Variants in FOXP1 observed in about 807,000 individuals in gnomAD.
FOXP1 encodes the protein forkhead box protein P1.
Under a neutral mutation model 98.2 loss-of-function variants are expected in FOXP1, and 15 were observed. The observed-to-expected ratio is 0.15, with a 90% confidence interval of 0.10 to 0.24. The LOEUF (loss-of-function observed/expected upper bound fraction) is 0.24, where lower values mean the gene tolerates loss of function less well. FOXP1 is among the 10% of genes least tolerant of loss of function. The pLI, the probability that FOXP1 is intolerant of heterozygous loss-of-function variation, is 1.00. For missense variants in FOXP1, 633 were observed against 848.5 expected (o/e 0.75, Z 3.15); for synonymous variants, 371 against 314.5 (o/e 1.18, Z -1.90).
chr3:71,384,043 C>A (rs1041816943), intron 3 of FOXP1, among the ~76,000 whole-genome samples: 2 of 152,084 alleles, frequency 1.3e-5, no homozygotes, highest in African/African-American at 4.8e-5. Flanking sequence ...GTGGTGTAAC[C>A]CTGCCTCTAC....
intron 5 of FOXP1, among the ~76,000 whole-genome samples, chr3:71,206,411 C>T (rs576673431): frequency 3.9e-4 from 60 of 152,076 alleles, no homozygotes; most frequent in Non-Finnish European, 7.9e-4. Flanking sequence ...TACAAAAACC[C>T]ATTGGAAACA....
At chr3:71,526,773 G>A (rs910665845) in intron 2 of FOXP1, among the ~76,000 whole-genome samples, 2 of 152,092 alleles carry the variant, frequency 1.3e-5, no homozygotes, top group African/African-American at 4.8e-5. Context: ...TTAGAGACCT[G>A]CCTGACCAAC....
chr3:71,437,490 CAT>C (rs1306746682), intron 3 of FOXP1, among the ~76,000 whole-genome samples: 1 of 152,140 alleles, frequency 6.6e-6, no homozygotes, highest in Non-Finnish European at 1.5e-5. Flanking sequence ...AGCCAACAGC[CAT>C]TCTCCACTGG....
intron 2 of FOXP1, among the ~76,000 whole-genome samples, chr3:71,536,708 A>G (rs1163468424): frequency 1.3e-5 from 2 of 152,064 alleles, no homozygotes; most frequent in Non-Finnish European, 2.9e-5. Context: ...GGATCCTAGC[A>G]GAGGCATTAC....
chr3:71,502,870 G>C (rs1301953778), intron 2 of FOXP1, among the ~76,000 whole-genome samples: 1 of 150,748 alleles, frequency 6.6e-6, no homozygotes, highest in East Asian at 1.9e-4. Flanking sequence ...AATACGGGAG[G>C]AAAAATCAAA....
chr3:70,966,070 A>G lies in FOXP1; in HGVS notation c.1723-14T>C. On this transcript the variant is annotated splice_polypyrimidine_tract_variant and intron_variant, in intron 19 of 20. Coordinates refer to ENST00000649528, the MANE Select transcript of FOXP1 (RefSeq NM_001349338.3). The stretch of plus-strand genomic sequence containing the variant: ...AGCCATTGAAGCCTGTCATCAACCA[A>G]GAGAAAATTTATGAAGACACAGGGT... 2 of 1,613,412 alleles carry G rather than the reference A, an allele frequency of 1.2e-6. No homozygotes were observed. Among genetic ancestry groups the G allele is most frequent in the South Asian group, 2.2e-5 (2 of 91,070 alleles).
chr3:71,158,105 A>AAGGAAGGGAGGAAGGAAGGGAGGG (rs1443906018), intron 6 of FOXP1, among the ~76,000 whole-genome samples: 5 of 34,086 alleles, frequency 1.5e-4, no homozygotes, highest in Admixed American at 3.1e-4. Flanking sequence ...GGAAGGAAGG[A>AAGGAAGGGAGGAAGGAAGGGAGGG]AGGGAGGGAG....
intron 4 of FOXP1, among the ~76,000 whole-genome samples, chr3:71,337,600 A>G (rs1485632386): frequency 6.6e-6 from 1 of 152,224 alleles, no homozygotes; most frequent in Non-Finnish European, 1.5e-5. Context: ...CTTTGAAGTA[A>G]TAACAAAGGG....
At chr3:71,166,405 C>T (rs2061403182) in intron 6 of FOXP1, among the ~76,000 whole-genome samples, 1 of 152,188 alleles carries the variant, frequency 6.6e-6, no homozygotes, top group Admixed American at 6.5e-5. Flanking sequence ...TTAAACTTTT[C>T]TTGAACTTTC....
chr3:71,083,265 C>T (rs1218713241), intron 7 of FOXP1, among the ~76,000 whole-genome samples: 1 of 152,116 alleles, frequency 6.6e-6, no homozygotes, highest in African/African-American at 2.4e-5. Flanking sequence ...CTCTCTCACT[C>T]CTGCTCTTGC....
At chr3:70,995,681 T>A (rs1402120643) in intron 13 of FOXP1, among the ~76,000 whole-genome samples, 1 of 152,206 alleles carries the variant, frequency 6.6e-6, no homozygotes, top group African/African-American at 2.4e-5. Flanking sequence ...TTAAAAATTA[T>A]AACTGTCTTT....
chr3:71,549,123 T>C (rs2045582780), intron 2 of FOXP1, among the ~76,000 whole-genome samples: 1 of 152,178 alleles, frequency 6.6e-6, no homozygotes, highest in Admixed American at 6.5e-5. Context: ...ATATTGGGTT[T>C]TCAAGGTTAA....
chr3:71,481,385 T>A (rs2090266876), intron 3 of FOXP1, among the ~76,000 whole-genome samples: 1 of 152,234 alleles, frequency 6.6e-6, no homozygotes, highest in African/African-American at 2.4e-5. Context: ...CAACATCCTG[T>A]ATGCTTATTA....
chr3:71,339,238 T>C lies in FOXP1; in HGVS notation c.-73+19912A>G, dbSNP rs537426872. 6.1e-4 allele frequency among the ~76,000 whole-genome samples: 93 copies of C among 152,362 alleles called. 1 individual carries two copies. Among genetic ancestry groups the C allele is most frequent in the African/African-American group, 2.2e-3 (90 of 41,598 alleles). ...TAAATTTACAACAACACAAGTATCA[T>C]AAAAATTATAAGAACTGCAAATTAA... On this transcript the variant is annotated intron_variant, in intron 4 of 20. Transcript: ENST00000649528.
chr3:70,980,041 T>C (rs1035078971), intron 14 of FOXP1, among the ~76,000 whole-genome samples: 1 of 152,174 alleles, frequency 6.6e-6, no homozygotes. Context: ...GCACTGCCCT[T>C]ACAAATGCCC....
chr3:71,394,726 T>C (rs1166565388), intron 3 of FOXP1, among the ~76,000 whole-genome samples: 1 of 152,182 alleles, frequency 6.6e-6, no homozygotes, highest in Non-Finnish European at 1.5e-5. Context: ...AAAAACTAAA[T>C]GGCTCGTCCC....
intron 2 of FOXP1, among the ~76,000 whole-genome samples, chr3:71,533,419 T>A (rs948532075): frequency 2.6e-5 from 4 of 152,214 alleles, no homozygotes; most frequent in African/African-American, 9.7e-5. Context: ...ACATTTCATT[T>A]CCTCTAGCTT....
At chr3:71,559,881 G>T (rs1164951812) in intron 2 of FOXP1, among the ~76,000 whole-genome samples, 1 of 152,020 alleles carries the variant, frequency 6.6e-6, no homozygotes, top group Non-Finnish European at 1.5e-5. Context: ...GACCTACTAG[G>T]CCAATGACAG....
chr3:71,582,519 C>T (rs1041197357), intron 1 of FOXP1: 6 of 985,334 alleles, frequency 6.1e-6, no homozygotes, highest in African/African-American at 3.5e-5. Context: ...GAGCCATCGG[C>T]CGCCAGGACA....
Sources: gnomAD v4.1 joint callset for allele counts (sites outside exome capture counted in the v4.1 genomes callset) on GRCh38, gnomAD v4.1.1 for gene constraint, MANE v1.5 for transcripts, NCBI Gene and HGNC (gene_info 2026-07-23, HGNC 2026-07-21) for gene names.